Variants in LRFN5 observed in about 807,000 individuals in gnomAD.
The protein encoded by LRFN5 is leucine-rich repeat and fibronectin type-III domain-containing protein 5.
A neutral mutation model predicts 45.6 loss-of-function variants in LRFN5; 24 were observed. That is an observed-to-expected ratio of 0.53 (90% confidence interval 0.38 to 0.74). The LOEUF (loss-of-function observed/expected upper bound fraction) is 0.74. LRFN5 is among the 30% of genes least tolerant of loss of function. The probability of loss-of-function intolerance (pLI) is 0.00; values close to 1 mark genes in which losing one functional copy is unlikely to be tolerated. For missense variants in LRFN5, 776 were observed against 861.5 expected (o/e 0.90, Z 1.24); for synonymous variants, 340 against 313.8 (o/e 1.08, Z -0.88).
chr14:41,661,705 G>A (rs1281879950), intron 1 of LRFN5, among the ~76,000 whole-genome samples: 1 of 151,986 alleles, frequency 6.6e-6, no homozygotes, highest in Admixed American at 6.6e-5. Flanking sequence ...CTCCAGTAGT[G>A]AAGAGTGTCA....
chr14:41,880,290 C>A (rs1439829947), intron 2 of LRFN5, among the ~76,000 whole-genome samples: 1 of 151,914 alleles, frequency 6.6e-6, no homozygotes, highest in Non-Finnish European at 1.5e-5. Flanking sequence ...GATCTGATTT[C>A]TATTTTATAA....
intron 1 of LRFN5, among the ~76,000 whole-genome samples, chr14:41,653,814 A>G (rs1880244751): frequency 6.6e-6 from 1 of 152,086 alleles, no homozygotes; most frequent in Non-Finnish European, 1.5e-5. Flanking sequence ...AGAAGCAGAA[A>G]AGGGGAGAAG....
At chr14:41,806,444 A>G (rs1887528179) in intron 2 of LRFN5, among the ~76,000 whole-genome samples, 1 of 152,188 alleles carries the variant, frequency 6.6e-6, no homozygotes, top group Non-Finnish European at 1.5e-5. Context: ...GAGAAAAGGA[A>G]GTTTTGTTTG....
chr14:41,887,051 G>A lies in LRFN5; in HGVS notation c.426G>A (p.Ala142=), dbSNP rs771840645. ...NNQLTLISST[A]FDDVFALEEL... ...AGCTGACTTTAATTTCCTCTACAGC[G>A]TTTGATGATGTCTTCGCCCTTGAGG... Residue 142 remains alanine, a synonymous_variant, in exon 3 of 6, where the codon GCG becomes GCA. Coordinates refer to ENST00000298119, the MANE Select transcript of LRFN5 (RefSeq NM_152447.5). This position sits in a 1 kb window ranked among gnomAD's most constrained non-coding sequence, Gnocchi z 4.8. The A allele has an allele frequency of 5.6e-6, 9 of 1,614,076 alleles. No individual in the cohort carries two copies. In the South Asian group the frequency reaches 6.6e-5, roughly 12 times the overall value.
chr14:41,708,432 C>A (rs1883152383), intron 1 of LRFN5, among the ~76,000 whole-genome samples: 1 of 151,860 alleles, frequency 6.6e-6, no homozygotes, highest in Non-Finnish European at 1.5e-5. Flanking sequence ...TAAAAACAAA[C>A]CTGTGATACT....
intron 1 of LRFN5, among the ~76,000 whole-genome samples, chr14:41,647,683 G>T (rs1213199006): frequency 6.6e-6 from 1 of 152,158 alleles, no homozygotes; most frequent in African/African-American, 2.4e-5. Context: ...GTTTGGGCAT[G>T]TTTACTTTGA....
At chr14:41,634,533 T>C (rs182836132) in intron 1 of LRFN5, among the ~76,000 whole-genome samples, 1 of 152,270 alleles carries the variant, frequency 6.6e-6, no homozygotes, top group East Asian at 1.9e-4. Context: ...AGTAGAATCA[T>C]ATAATTTGGT....
chr14:41,632,628 T>A (rs958952853), intron 1 of LRFN5, among the ~76,000 whole-genome samples: 3 of 152,222 alleles, frequency 2.0e-5, no homozygotes, highest in Admixed American at 1.3e-4. Context: ...AAGTATGTGT[T>A]GTTATTGTTA....
chr14:41,847,434 G>T lies in LRFN5; in HGVS notation c.-20-39172G>T, dbSNP rs186610245. ...AATTTTTCAAAAATATCCTGAAAAA[G>T]TTCCTAACATCATGCATAAGAAATG... On this transcript the variant is annotated intron_variant, in intron 2 of 5. Transcript: ENST00000298119. Among the ~76,000 whole-genome samples the T allele has an allele frequency of 6.6e-5, 10 of 152,168 alleles. No individual in the cohort carries two copies. The East Asian group carries it at 1.9e-3, about 29-fold the overall frequency.
chr14:41,879,358 T>A lies in LRFN5; in HGVS notation c.-20-7248T>A, dbSNP rs59942921. ...AATGAAAAATCACTATTTCCTTTTT[T>A]AAAAAAAATTAATCACCTACTCACA... is the stretch of plus-strand genomic sequence containing the variant. On this transcript the variant is annotated intron_variant, in intron 2 of 5. Coordinates refer to ENST00000298119, the MANE Select transcript of LRFN5 (RefSeq NM_152447.5). Among the ~76,000 whole-genome samples the A allele has an allele frequency of 8.5e-3, 1,285 of 151,784 alleles. 15 individuals are homozygous for A. Among genetic ancestry groups the A allele is most frequent in the African/African-American group, 0.029 (1,209 of 41,436 alleles).
chr14:41,771,876 G>C (rs73316904), intron 2 of LRFN5, among the ~76,000 whole-genome samples: 3,896 of 152,166 alleles, frequency 0.026, 164 homozygotes, highest in African/African-American at 0.088. Flanking sequence ...TATCTTTATA[G>C]CAATGCCCCA....
chr14:41,772,960 C>A (rs1351492971), intron 2 of LRFN5, among the ~76,000 whole-genome samples: 1 of 152,154 alleles, frequency 6.6e-6, no homozygotes, highest in African/African-American at 2.4e-5. Context: ...CCCCAAGAGC[C>A]TCCTAAATTA....
Position 41,734,344 on chromosome 14 carries a change from A to ATATATATATATATATATATT in LRFN5, c.-196-32509_-196-32508insATATATATATATATATATTT, listed in dbSNP as rs1428416141. Among the ~76,000 whole-genome samples the ATATATATATATATATATATT allele has an allele frequency of 7.7e-4, 82 of 105,946 alleles. 3 individuals are homozygous for ATATATATATATATATATATT. Among genetic ancestry groups the ATATATATATATATATATATT allele is most frequent in the East Asian group, 4.1e-3 (8 of 1,942 alleles). The allele number at this position is 105,946 out of a possible 152,430, so 69.5% of individuals were successfully genotyped here. The stretch of plus-strand genomic sequence containing the variant: ...TATATATATATATATATATATATAT[A>ATATATATATATATATATATT]TTTAAATTTGCTGTAACTTATTGAT... On this transcript the variant is annotated intron_variant, in intron 1 of 5. Transcript: ENST00000298119.
At chr14:41,668,961 A>G (rs1342744498) in intron 1 of LRFN5, among the ~76,000 whole-genome samples, 1 of 152,102 alleles carries the variant, frequency 6.6e-6, no homozygotes, top group Non-Finnish European at 1.5e-5. Context: ...TTGCTTATGT[A>G]CTTAAGCAAT....
chr14:41,619,276 CATTT>C (rs1888032250), intron 1 of LRFN5, among the ~76,000 whole-genome samples: 1 of 151,916 alleles, frequency 6.6e-6, no homozygotes, highest in African/African-American at 2.4e-5. Flanking sequence ...TAAATAATCT[CATTT>C]ATGTATCAAA....
chr14:41,775,093 C>CTT (rs59438733), intron 2 of LRFN5, among the ~76,000 whole-genome samples: 5 of 112,490 alleles, frequency 4.4e-5, no homozygotes, highest in Non-Finnish European at 6.8e-5. Context: ...TTTTCTTTTT[C>CTT]TTTTTTTTTT....
intron 2 of LRFN5, among the ~76,000 whole-genome samples, chr14:41,866,005 T>C (rs1889827322): frequency 6.6e-6 from 1 of 152,160 alleles, no homozygotes; most frequent in African/African-American, 2.4e-5. Context: ...ATCTTGCAAG[T>C]TGTCATTTCA....
intron 2 of LRFN5, among the ~76,000 whole-genome samples, chr14:41,813,641 CACAATAA>C (rs1887814747): frequency 6.6e-6 from 1 of 151,974 alleles, no homozygotes; most frequent in South Asian, 2.1e-4. Flanking sequence ...TGAATAGTGC[CACAATAA>C]ACATATGTGT....
intron 2 of LRFN5, among the ~76,000 whole-genome samples, chr14:41,845,301 G>A (rs1381675125): frequency 6.6e-6 from 1 of 152,054 alleles, no homozygotes; most frequent in Admixed American, 6.6e-5. Flanking sequence ...AGCATGTATA[G>A]TCTTTTATTA....
Sources: gnomAD v4.1 joint callset for allele counts (sites outside exome capture counted in the v4.1 genomes callset) on GRCh38, gnomAD v4.1.1 for gene constraint, Gnocchi (gnomAD v3.1) non-coding constraint, MANE v1.5 for transcripts, NCBI Gene and HGNC (gene_info 2026-07-23, HGNC 2026-07-21) for gene names.